The following GDA variants were observed in gnomAD, a reference collection of about 807,000 sequenced individuals.
GDA encodes cytoplasmic PSD-95 interactor.
A neutral mutation model predicts 59.6 loss-of-function variants in GDA; 18 were observed. That is an observed-to-expected ratio of 0.30 (90% CI 0.21 to 0.45). The LOEUF is 0.45. Ranked by LOEUF, GDA falls within the 20% of genes least tolerant of loss-of-function variation. The probability of loss-of-function intolerance (pLI) is 1.00; values close to 1 mark genes in which losing one functional copy is unlikely to be tolerated. For missense variants in GDA, 427 were observed against 552.3 expected, an observed-to-expected ratio of 0.77 and a Z score of 2.27; for synonymous variants, 201 against 201.1, an observed-to-expected ratio of 1.00 and a Z score of 0.00.
rs1292078335 is a variant in GDA, at chr9:72,178,999, C to T, written c.124-16501C>T. On this transcript the variant is annotated intron_variant, in intron 1 of 13. Coordinates refer to ENST00000358399, the MANE Select transcript of GDA (RefSeq NM_004293.5). Reference sequence around the variant, plus strand: ...CTTCTCCAAATTGTTATCCTTTTCACAGTAAGCCATTAGCAAGAACATGGC... The same window carrying T: ...CTTCTCCAAATTGTTATCCTTTTCATAGTAAGCCATTAGCAAGAACATGGC... 3.3e-5 allele frequency among the ~76,000 whole-genome samples: 5 copies of T among 152,158 alleles called. No homozygotes were observed. In the East Asian group the frequency reaches 7.7e-4, roughly 23 times the overall value.
chr9:72,254,484 A>T (rs1031856586), downstream of GDA, among the ~76,000 whole-genome samples: 2 of 152,202 alleles, frequency 1.3e-5, no homozygotes, highest in African/African-American at 4.8e-5. Flanking sequence ...GATCACACAG[A>T]ATTTCATACT....
At chr9:72,134,669 G>T (rs1350206878) in intron 1 of GDA, among the ~76,000 whole-genome samples, 1 of 152,202 alleles carries the variant, frequency 6.6e-6, no homozygotes, top group East Asian at 1.9e-4. Flanking sequence ...CTCCCAAAGT[G>T]CTGGGATTAC....
At chr9:72,147,807 C>T (rs971593287), upstream of GDA, among the ~76,000 whole-genome samples, 13 of 152,106 alleles carry the variant, frequency 8.5e-5, no homozygotes, top group African/African-American at 2.7e-4. Context: ...TGCTGGCTGT[C>T]GGTACTGCCA....
At position 72,248,694 on chromosome 9, in the gene GDA, G is replaced by A. The variant is rs1840402825; in HGVS notation, c.*352G>A. 2 of 1,022,000 alleles carry A rather than the reference G, an allele frequency of 2.0e-6. No homozygotes were observed. Among genetic ancestry groups the A allele is most frequent in the Admixed American group, 1.0e-4 (2 of 19,510 alleles). 63.3% of individuals were successfully genotyped at this position (1,022,000 alleles called of 1,614,324 possible). The stretch of plus-strand genomic sequence containing the variant: ...GTGGAAAGAAAAGATGTTCCTAAAA[G>A]GTTAGATATTTTGAGCTAATAATTG... On this transcript the variant is annotated 3_prime_UTR_variant, in exon 14 of 14. Coordinates refer to ENST00000358399, the MANE Select transcript of GDA (RefSeq NM_004293.5).
intron 1 of GDA, among the ~76,000 whole-genome samples, chr9:72,121,677 C>T (rs1408546353): frequency 6.6e-6 from 1 of 152,120 alleles, no homozygotes; most frequent in Non-Finnish European, 1.5e-5. Context: ...CTCTTTAACC[C>T]AATCATTATC....
At chr9:72,165,590 A>G (rs1829199225) in intron 1 of GDA, among the ~76,000 whole-genome samples, 1 of 152,026 alleles carries the variant, frequency 6.6e-6, no homozygotes, top group African/African-American at 2.4e-5. Flanking sequence ...AAAAGAAAAT[A>G]AAAATAAAAT....
intron 1 of GDA, among the ~76,000 whole-genome samples, chr9:72,184,831 A>G (rs2131128396): frequency 6.6e-6 from 1 of 152,332 alleles, no homozygotes; most frequent in Admixed American, 6.5e-5. Context: ...AGTGAAAGCC[A>G]CTGGGATGGT....
At chr9:72,150,704 G>A (rs1055409078) in intron 1 of GDA, among the ~76,000 whole-genome samples, 3 of 152,184 alleles carry the variant, frequency 2.0e-5, no homozygotes, top group Admixed American at 6.5e-5. Context: ...AGATGCTACC[G>A]AGTCGGTGAC....
downstream of GDA, chr9:72,253,671 AT>A (rs2131904900): frequency 6.6e-6 from 1 of 152,230 alleles, no homozygotes; most frequent in East Asian, 1.9e-4. Flanking sequence ...TGAGCACTTT[AT>A]TTTTCTCCTA....
At chr9:72,142,831 C>T (rs112921558) in intron 1 of GDA, among the ~76,000 whole-genome samples, 6,261 of 151,732 alleles carry the variant, frequency 0.041, 149 homozygotes, top group Middle Eastern at 0.11. Flanking sequence ...TGCAATGGCG[C>T]GATCTTGGCT....
At chr9:72,141,359 A>T (rs1264166849) in intron 1 of GDA, among the ~76,000 whole-genome samples, 1 of 152,208 alleles carries the variant, frequency 6.6e-6, no homozygotes, top group Non-Finnish European at 1.5e-5. Flanking sequence ...ATCCCTTTAG[A>T]AATATACACA....
At chr9:72,117,826 G>A (rs1825509171) in intron 1 of GDA, among the ~76,000 whole-genome samples, 1 of 152,126 alleles carries the variant, frequency 6.6e-6, no homozygotes, top group Admixed American at 6.5e-5. Context: ...GAACAAAAGT[G>A]GGTTCTGCAA....
rs189197310 is a variant in GDA at position 72,216,220 on chromosome 9, C to T, written c.578+2229C>T. Among the ~76,000 whole-genome samples the T allele has an allele frequency of 1.2e-3, 182 of 152,280 alleles. 1 individual carries two copies. Among genetic ancestry groups the T allele is most frequent in the African/African-American group, 4.2e-3 (173 of 41,542 alleles). On this transcript the variant is annotated intron_variant, in intron 5 of 13. Transcript: ENST00000358399. ...TTTTATACCCAGATGAAACTGGTCT[C>T]ACTGAGCTAAAACATTGCAGAACAT...
At chr9:72,155,980 C>T (rs1331832858) in intron 1 of GDA, among the ~76,000 whole-genome samples, 2 of 152,178 alleles carry the variant, frequency 1.3e-5, no homozygotes, top group East Asian at 3.8e-4. Context: ...AGAATAATGC[C>T]TGGCATGTAG....
In GDA at chr9:72,209,130, G is replaced by C. The variant is rs185052267; in HGVS notation, c.385-1557G>C. Among the ~76,000 whole-genome samples, 354 of 149,012 alleles carry C rather than the reference G, an allele frequency of 2.4e-3. 1 individual carries two copies. The highest frequency in any genetic ancestry group is 7.6e-3 in the African/African-American group (307 of 40,494). On this transcript the variant is annotated intron_variant, in intron 3 of 13. Transcript: ENST00000358399. Reference sequence around the variant, plus strand: ...TCCTGGAGTTTTTAGCATCTTTTCTGTACTTACGAACTTAATATCTCACAA... The same window carrying C: ...TCCTGGAGTTTTTAGCATCTTTTCTCTACTTACGAACTTAATATCTCACAA...
At position 72,245,020 on chromosome 9, in the gene GDA, C is replaced by T. The variant is rs538683678; in HGVS notation, c.1136-128C>T. On this transcript the variant is annotated intron_variant, in intron 11 of 13. Transcript: ENST00000358399. ...TTAGAATGAGAGTGATTTTCTGTCT[C>T]ACTGTTAAGATACTAATTTTTTTTT... 5.6e-4 allele frequency: 429 copies of T among 769,266 alleles called. 2 individuals are homozygous for T. The highest frequency in any genetic ancestry group is 9.6e-4 in the Middle Eastern group (4 of 4,180). The allele number at this position is 769,266 out of a possible 1,614,324, so 47.7% of individuals were successfully genotyped here. A position where few individuals can be genotyped will look rare whatever the true frequency, so the allele number is the denominator to read the frequency against.
intron 1 of GDA, among the ~76,000 whole-genome samples, chr9:72,174,445 T>C (rs1830325848): frequency 1.3e-5 from 2 of 152,240 alleles, no homozygotes; most frequent in Admixed American, 6.5e-5. Context: ...TGCTACTTCC[T>C]ACTTTATGGA....
intron 1 of GDA, among the ~76,000 whole-genome samples, chr9:72,140,013 C>G (rs1209832827): frequency 1.4e-4 from 22 of 152,136 alleles, no homozygotes; most frequent in Non-Finnish European, 3.2e-4. Flanking sequence ...TTCTTCTGGA[C>G]ACTATATTCC....
At chr9:72,133,850 C>T (rs911803219) in intron 1 of GDA, among the ~76,000 whole-genome samples, 2 of 152,154 alleles carry the variant, frequency 1.3e-5, no homozygotes, top group Non-Finnish European at 2.9e-5. Flanking sequence ...TGGGAGAACC[C>T]ACTGTGCGGA....
Sources: allele counts gnomAD v4.1 joint callset (sites outside exome capture counted in the v4.1 genomes callset), GRCh38; gene constraint gnomAD v4.1.1; transcripts MANE v1.5; gene names NCBI Gene and HGNC (gene_info 2026-07-23, HGNC 2026-07-21).